Variants in SLC30A6 observed in about 807,000 individuals in gnomAD.
The protein encoded by SLC30A6 is solute carrier family 30 member 6.
A neutral mutation model predicts 63.0 loss-of-function variants in SLC30A6; 55 were observed. The observed-to-expected ratio is 0.87, with a 90% CI of 0.70 to 1.09. SLC30A6 has a LOEUF of 1.09. Among genes scored for constraint, SLC30A6 ranks in the 50% least tolerant of loss-of-function variants. The pLI is 0.00. For synonymous variants in SLC30A6, 224 were observed against 186.1 expected (o/e 1.20, Z -1.66); for missense variants, 587 against 549.2 (o/e 1.07, Z -0.69).
At position 32,217,857 on chromosome 2, in the gene SLC30A6, T is replaced by TC. The variant is rs552901849; in HGVS notation, c.886-2355dup. On this transcript the variant is annotated intron_variant, in intron 13 of 13. Coordinates refer to ENST00000282587, the MANE Select transcript of SLC30A6 (RefSeq NM_017964.5). ...TGGGATTGAATTCTTTTTTTTTTTT[T>TC]CTTGATACAAGGTCTCTCTTTGTCA... Among the ~76,000 whole-genome samples the TC allele has an allele frequency of 5.0e-3, 758 of 151,788 alleles. 5 individuals are homozygous for TC. The highest frequency in any genetic ancestry group is 0.017 in the African/African-American group (692 of 41,310).
chr2:32,202,342 T>C (rs1053177640), intron 10 of SLC30A6: 1 of 362,008 alleles, frequency 2.8e-6, no homozygotes, highest in African/African-American at 2.2e-5. Context: ...TTTGTTTGTT[T>C]GTTTGTTTGT....
At chr2:32,202,909 A>G (rs1281966834) in intron 10 of SLC30A6, 2 of 1,070,672 alleles carry the variant, frequency 1.9e-6, no homozygotes, top group Non-Finnish European at 2.9e-6. Flanking sequence ...ATCCGGTGTC[A>G]TTGGTCTCAG....
At position 32,203,139 on chromosome 2, in the gene SLC30A6, G is replaced by A. The variant is rs183787778; in HGVS notation, c.666-1451G>A. 150 of 1,268,534 alleles carry A rather than the reference G, an allele frequency of 1.2e-4. No homozygotes were observed. In the African/African-American group the frequency reaches 1.2e-3, roughly 10 times the overall value. The allele number at this position is 1,268,534 out of a possible 1,614,324, so 78.6% of individuals were successfully genotyped here. A position where few individuals can be genotyped will look rare whatever the true frequency, so the allele number is the denominator to read the frequency against. On this transcript the variant is annotated intron_variant, in intron 10 of 13. Coordinates refer to ENST00000282587, the MANE Select transcript of SLC30A6 (RefSeq NM_017964.5). The stretch of plus-strand genomic sequence containing the variant: ...TTTTAAAGTTTTGGTGGCAACCAAC[G>A]TGGCTGCCTGTGGTTTGGACATTCC...
intron 3 of SLC30A6, 73 bp downstream of exon 3, chr2:32,174,220 C>A: frequency 9.2e-7 from 1 of 1,091,774 alleles, no homozygotes; most frequent in Non-Finnish European, 1.4e-6. Context: ...AAAGGTATAT[C>A]TTACATAGAA....
chr2:32,186,424 G>A (rs1474489576), intron 5 of SLC30A6, among the ~76,000 whole-genome samples: 1 of 152,204 alleles, frequency 6.6e-6, no homozygotes, highest in Non-Finnish European at 1.5e-5. Flanking sequence ...GGTGGCTTAC[G>A]CCTATAATCC....
intron 1 of SLC30A6, among the ~76,000 whole-genome samples, chr2:32,168,431 TATATA>T (rs1382033263): frequency 1.3e-5 from 2 of 148,756 alleles, no homozygotes; most frequent in East Asian, 1.9e-4. Flanking sequence ...ATAATATAAA[TATATA>T]ATATTAAAAA....
intron 5 of SLC30A6, among the ~76,000 whole-genome samples, chr2:32,187,978 C>T (rs1682987876): frequency 6.6e-6 from 1 of 152,114 alleles, no homozygotes; most frequent in Non-Finnish European, 1.5e-5. Flanking sequence ...TCATATTATC[C>T]CTCTCCCCTT....
At chr2:32,171,424 A>C (rs1681199799) in intron 2 of SLC30A6, 51 bp downstream of exon 2, 2 of 1,399,100 alleles carry the variant, frequency 1.4e-6, no homozygotes, top group Non-Finnish European at 2.0e-6. Flanking sequence ...CAACATTATA[A>C]CATTGAAGAA....
At chr2:32,174,003 G>C (rs1012334755) in intron 2 of SLC30A6, 60 bp from the exon 3 acceptor site, 2 of 1,332,418 alleles carry the variant, frequency 1.5e-6, no homozygotes, top group African/African-American at 2.9e-5. Context: ...GTAGCAACTT[G>C]AACAGACCCC....
At chr2:32,218,407 C>T (rs1053376376) in intron 13 of SLC30A6, among the ~76,000 whole-genome samples, 1 of 152,178 alleles carries the variant, frequency 6.6e-6, no homozygotes, top group Non-Finnish European at 1.5e-5. Context: ...GTCAATCTTC[C>T]TCATCCTTTA....
At chr2:32,214,678 A>G (rs1237487022) in intron 13 of SLC30A6, 1 of 152,214 alleles carries the variant, frequency 6.6e-6, no homozygotes, top group Non-Finnish European at 1.5e-5. Context: ...CCTGGTTAAG[A>G]CCCAGGAATT....
At position 32,202,746 on chromosome 2, in the gene SLC30A6, T is replaced by C. The variant is rs1684406853; in HGVS notation, c.666-1844T>C. Reference sequence around the variant, plus strand: ...TATTCATGAATTCTACAAAACTGATTCTGAAGACAGTCCTCAGACTTTACT... The same window carrying C: ...TATTCATGAATTCTACAAAACTGATCCTGAAGACAGTCCTCAGACTTTACT... On this transcript the variant is annotated intron_variant, in intron 10 of 13. Transcript: ENST00000282587. 2.0e-5 allele frequency: 14 copies of C among 702,250 alleles called. No homozygotes were observed. The South Asian group carries it at 2.3e-4, about 11-fold the overall frequency. The allele number at this position is 702,250 out of a possible 1,614,324, so 43.5% of individuals were successfully genotyped here. A position where few individuals can be genotyped will look rare whatever the true frequency, so the allele number is the denominator to read the frequency against.
At chr2:32,212,567 T>G (rs1197559091) in intron 13 of SLC30A6, among the ~76,000 whole-genome samples, 2 of 148,000 alleles carry the variant, frequency 1.4e-5, no homozygotes, top group Non-Finnish European at 3.0e-5. Context: ...GCTTTCTTCC[T>G]CTCTGCCATT....
chr2:32,194,022 A>AGGCCGGGCGCGGTGG, intron 8 of SLC30A6, 39 bp downstream of exon 8: 1 of 1,507,524 alleles, frequency 6.6e-7, no homozygotes, highest in Non-Finnish European at 9.1e-7. Flanking sequence ...AAATCCAACT[A>AGGCCGGGCGCGGTGG]ATCTCTCATA....
rs143828367 is a variant in SLC30A6, at chr2:32,197,815, C to G, written c.654C>G (p.Leu218=). 1 of 1,613,330 alleles carries G rather than the reference C, an allele frequency of 6.2e-7. No homozygotes were observed. Among genetic ancestry groups the G allele is most frequent in the Non-Finnish European group, 8.5e-7 (1 of 1,179,800 alleles). ...TTGCTCTTTGTATTACATATATGCT[C>G]ATTGAAATTAAGTGAGTATTTTTTA... ...GAFALCITYM[L]IEINNYFAVD... is the part of the protein sequence containing the mutation. The change falls in exon 10 of 14, where the codon CTC becomes CTG. Residue 218 remains leucine (L), a synonymous_variant. Transcript: ENST00000282587.
At chr2:32,188,888 T>C (rs1224190396) in intron 5 of SLC30A6, among the ~76,000 whole-genome samples, 1 of 152,202 alleles carries the variant, frequency 6.6e-6, no homozygotes, top group Non-Finnish European at 1.5e-5. Context: ...ACCTCTAACA[T>C]TGCATATTAG....
intron 4 of SLC30A6, chr2:32,177,586 C>A (rs376689769): frequency 2.3e-5 from 4 of 175,868 alleles, no homozygotes; most frequent in African/African-American, 7.2e-5. Flanking sequence ...GCTACCGTGC[C>A]TGAGCAATAG....
chr2:32,218,975 A>G (rs934385143), intron 13 of SLC30A6, among the ~76,000 whole-genome samples: 5 of 152,212 alleles, frequency 3.3e-5, no homozygotes, highest in Admixed American at 2.0e-4. Context: ...CAGATGTTAA[A>G]TTGAAATTCT....
chr2:32,204,295 A>G lies in SLC30A6; in HGVS notation c.666-295A>G, dbSNP rs550503545. ...TATTTCAGCTCTTTCTAGTTGACAG[A>G]TAGTTTGACAAAAAAATGCCTGACG... On this transcript the variant is annotated intron_variant, in intron 10 of 13. Coordinates refer to ENST00000282587, the MANE Select transcript of SLC30A6 (RefSeq NM_017964.5). 5.7e-4 allele frequency among the ~76,000 whole-genome samples: 87 copies of G among 152,242 alleles called. No individual in the cohort carries two copies. The South Asian group carries it at 0.016, about 28-fold the overall frequency.
Sources: allele counts gnomAD v4.1 joint callset (sites outside exome capture counted in the v4.1 genomes callset), GRCh38; gene constraint gnomAD v4.1.1; transcripts MANE v1.5; gene names NCBI Gene and HGNC (gene_info 2026-07-23, HGNC 2026-07-21).